The following C1orf105 variants were observed in gnomAD, a reference collection of about 807,000 sequenced individuals.
C1orf105 encodes the protein chromosome 1 open reading frame 105, also known as uncharacterized protein C1orf105.
A neutral mutation model predicts 20.8 loss-of-function variants in C1orf105; 17 were observed. That is an observed-to-expected ratio of 0.82 (90% CI 0.56 to 1.23). The LOEUF (loss-of-function observed/expected upper bound fraction) is 1.23. C1orf105 is among the 50% of genes most tolerant of loss of function. The pLI is 0.00. For synonymous variants in C1orf105, 72 were observed against 72.1 expected (o/e 1.00, Z 0.01); for missense variants, 219 against 213.5 (o/e 1.03, Z -0.16).
intron 2 of C1orf105, 134 bp downstream of exon 2, chr1:172,445,292 T>C: frequency 1.4e-6 from 1 of 722,888 alleles, no homozygotes; most frequent in Non-Finnish European, 2.2e-6. Context: ...GCTTTAAAAA[T>C]AGAAATAATC....
chr1:172,457,531 T>C lies in C1orf105; in HGVS notation c.273+1042T>C, dbSNP rs77026360. Among the ~76,000 whole-genome samples the C allele has an allele frequency of 1.8e-3, 281 of 152,376 alleles. 1 individual carries two copies. The highest frequency in any genetic ancestry group is 6.7e-3 in the African/African-American group (277 of 41,588). ...GCAAAGCTGCACCTTGATGTTGCCA[T>C]CTATGTTCATTTTCTACATAATTAG... On this transcript the variant is annotated intron_variant, in intron 4 of 6. Transcript: ENST00000367727.
chr1:172,428,773 C>G (rs1439568358), intron 1 of C1orf105: 4 of 696,968 alleles, frequency 5.7e-6, no homozygotes, highest in Non-Finnish European at 1.0e-5. Context: ...GGTCAAGAAC[C>G]TTTGTCCTTT....
At chr1:172,424,375 G>A (rs79487080) in intron 1 of C1orf105, among the ~76,000 whole-genome samples, 1 of 152,154 alleles carries the variant, frequency 6.6e-6, no homozygotes, top group Non-Finnish European at 1.5e-5. Flanking sequence ...GCTTTTAGGG[G>A]TTATATTCCC....
rs1650243367 is a variant in C1orf105 at position 172,468,653 on chromosome 1, T to C, written c.*59T>C. The C allele has an allele frequency of 2.0e-6, 3 of 1,526,714 alleles. No homozygotes were observed. The African/African-American group carries it at 4.1e-5, about 21-fold the overall frequency. 94.6% of individuals were successfully genotyped at this position (1,526,714 alleles called of 1,614,324 possible). On this transcript the variant is annotated 3_prime_UTR_variant, in exon 7 of 7. Coordinates refer to ENST00000367727, the MANE Select transcript of C1orf105 (RefSeq NM_139240.4). ...AGAGAAAATAACCTCGCCAAGCCAATCTTTGACACTGGCACCTTCTCCTCA... is the reference window on the plus strand; with the variant it reads ...AGAGAAAATAACCTCGCCAAGCCAACCTTTGACACTGGCACCTTCTCCTCA...
At chr1:172,425,955 C>T (rs1383119903) in intron 1 of C1orf105, among the ~76,000 whole-genome samples, 2 of 151,902 alleles carry the variant, frequency 1.3e-5, no homozygotes, top group African/African-American at 4.8e-5. Flanking sequence ...ACCTTTTATC[C>T]CAGCCTGTGT....
intron 6 of C1orf105, chr1:172,465,634 C>T (rs1368067794): frequency 1.7e-6 from 1 of 588,564 alleles, no homozygotes; most frequent in Admixed American, 2.1e-5. Flanking sequence ...TGGCTGAAGA[C>T]TTTCCATGGA....
At position 172,456,486 on chromosome 1, in the gene C1orf105, A is replaced by C. The variant is rs753599189; in HGVS notation, c.270A>C (p.Lys90Asn). The C allele has an allele frequency of 4.3e-6, 7 of 1,613,034 alleles. No individual in the cohort carries two copies. The East Asian group carries it at 1.3e-4, about 31-fold the overall frequency. Residue 90 changes from lysine (K) to asparagine (N), a missense_variant, in exon 4 of 7, where the codon AAA becomes AAC. By Grantham distance (94) the Lys-to-Asn change is moderately conservative (BLOSUM62 0). Transcript: ENST00000367727. ...QQLCSTCQEM[K>N]MVQPRTMKIP... ...TGTGCTCCACATGTCAAGAAATGAAAATGGTAGGCAAGGGGGAAGACAGAA... is the reference window on the plus strand; with the variant it reads ...TGTGCTCCACATGTCAAGAAATGAACATGGTAGGCAAGGGGGAAGACAGAA...
chr1:172,465,603 C>T (rs1281018891), intron 6 of C1orf105: 3 of 635,278 alleles, frequency 4.7e-6, no homozygotes, highest in East Asian at 3.2e-5. Flanking sequence ...ATGTTCCTTC[C>T]CAGGATCTGT....
At chr1:172,456,781 G>A (rs1292507506) in intron 4 of C1orf105, among the ~76,000 whole-genome samples, 2 of 152,152 alleles carry the variant, frequency 1.3e-5, no homozygotes, top group African/African-American at 2.4e-5. Context: ...CAGAGGCTTA[G>A]GGGATTATGG....
In C1orf105 at chr1:172,431,867, A is replaced by G. The variant is rs77332914; in HGVS notation, c.21+10961A>G. On this transcript the variant is annotated intron_variant, in intron 1 of 6. Coordinates refer to ENST00000367727, the MANE Select transcript of C1orf105 (RefSeq NM_139240.4). ...AAGCCGTGACAGACTGCACCTGGAA[A>G]AACAGGACACTCCTGCCCCAAACAC... Among the ~76,000 whole-genome samples, 629 of 152,346 alleles carry G rather than the reference A, an allele frequency of 4.1e-3. 4 individuals are homozygous for G. The highest frequency in any genetic ancestry group is 0.02 in the Middle Eastern group (6 of 294).
chr1:172,456,257 A>G (rs540326464), intron 3 of C1orf105, among the ~76,000 whole-genome samples, 158 bp from the exon 4 acceptor site: 2 of 152,104 alleles, frequency 1.3e-5, no homozygotes, highest in South Asian at 4.2e-4. Context: ...CTCCAGATTC[A>G]ACACCCACCC....
chr1:172,448,475 T>C lies in C1orf105; in HGVS notation c.142T>C (p.Ser48Pro), dbSNP rs1422722572. The C allele has an allele frequency of 6.2e-7, 1 of 1,613,574 alleles. No individual in the cohort carries two copies. The highest frequency in any genetic ancestry group is 8.5e-7 in the Non-Finnish European group (1 of 1,179,464). Residue 48 changes from serine (S) to proline (P), a missense_variant, in exon 3 of 7, where the codon TCC becomes CCC. By Grantham distance (74) the Ser-to-Pro change is moderately conservative. Coordinates refer to ENST00000367727, the MANE Select transcript of C1orf105 (RefSeq NM_139240.4). The part of the protein sequence containing the change: ...PHTSATFLTS[S>P]KKNMNLPILF... ...TACCTCTGCGACTTTTCTGACTTCA[T>C]CCAAGAAGAATATGAATTTGCCAAT...
rs762595686 is a variant in C1orf105, at chr1:172,442,529, G to T, written c.22-2544G>T. The T allele has an allele frequency of 5.0e-6, 8 of 1,613,976 alleles. No homozygotes were observed. Among genetic ancestry groups the T allele is most frequent in the Admixed American group, 3.3e-5 (2 of 59,994 alleles). On this transcript the variant is annotated intron_variant, in intron 1 of 6. Transcript: ENST00000367727. The stretch of plus-strand genomic sequence containing the variant: ...TTTTTCCGGAGCTCTTCCAGGAATC[G>T]CCGGTCCACATAGTTATCAGGAAAG...
chr1:172,463,598 T>A (rs1649844313), intron 5 of C1orf105, among the ~76,000 whole-genome samples: 1 of 152,250 alleles, frequency 6.6e-6, no homozygotes, highest in Admixed American at 6.5e-5. Flanking sequence ...ATATTCATTA[T>A]GAACTTTAAA....
intron 1 of C1orf105, chr1:172,428,696 A>T: frequency 1.7e-6 from 1 of 604,016 alleles, no homozygotes; most frequent in Admixed American, 3.1e-5. Flanking sequence ...TCTTTTTTCC[A>T]TAGCACTTAC....
At chr1:172,421,526 A>G (rs1027419451) in intron 1 of C1orf105, among the ~76,000 whole-genome samples, 1 of 152,198 alleles carries the variant, frequency 6.6e-6, no homozygotes, top group African/African-American at 2.4e-5. Flanking sequence ...TCAAAAATGC[A>G]TGCAATACCC....
chr1:172,450,861 A>T (rs1275049084), intron 3 of C1orf105, among the ~76,000 whole-genome samples: 1 of 152,220 alleles, frequency 6.6e-6, no homozygotes, highest in African/African-American at 2.4e-5. Flanking sequence ...ACACACAGAG[A>T]TGAGGGACAA....
intron 1 of C1orf105, among the ~76,000 whole-genome samples, chr1:172,424,447 G>A (rs989976300): frequency 7.9e-5 from 12 of 152,210 alleles, no homozygotes; most frequent in Non-Finnish European, 1.6e-4. Flanking sequence ...CTGGAGTGCA[G>A]TGGCACGATC....
At chr1:172,463,271 A>G (rs766316484) in intron 5 of C1orf105, among the ~76,000 whole-genome samples, 65 of 152,232 alleles carry the variant, frequency 4.3e-4, no homozygotes, top group Non-Finnish European at 8.8e-4. Flanking sequence ...CAAAAAAGCT[A>G]TATGTAATCT....
Sources: gnomAD v4.1 joint callset for allele counts (sites outside exome capture counted in the v4.1 genomes callset) on GRCh38, gnomAD v4.1.1 for gene constraint, MANE v1.5 for transcripts, NCBI Gene and HGNC (gene_info 2026-07-23, HGNC 2026-07-21) for gene names.